The following NUBPL variants were observed in gnomAD, a reference collection of about 807,000 sequenced individuals.
NUBPL encodes NUBP iron-sulfur cluster assembly factor, mitochondrial.
Under a neutral mutation model 45.7 loss-of-function variants are expected in NUBPL, and 31 were observed. That is an observed-to-expected ratio of 0.68 (90% confidence interval 0.51 to 0.92). The LOEUF (loss-of-function observed/expected upper bound fraction) is 0.92, where lower values mean the gene tolerates loss of function less well. NUBPL is among the 40% of genes least tolerant of loss of function. The probability of loss-of-function intolerance (pLI) is 0.00; values close to 1 mark genes in which losing one functional copy is unlikely to be tolerated. For missense variants in NUBPL, 401 were observed against 398.7 expected, an observed-to-expected ratio of 1.01 and a Z score of -0.05; for synonymous variants, 144 against 140.9, an observed-to-expected ratio of 1.02 and a Z score of -0.15.
chr14:31,672,946 C>A (rs986312330), intron 4 of NUBPL, among the ~76,000 whole-genome samples: 1 of 152,018 alleles, frequency 6.6e-6, no homozygotes, highest in Non-Finnish European at 1.5e-5. Flanking sequence ...ATTCTTTGAT[C>A]CTGGAAGGAT....
rs2036893888 is a variant in NUBPL, at chr14:31,683,831, AT to A, written c.513+10262del. Among the ~76,000 whole-genome samples, 4 of 151,438 alleles carry A rather than the reference AT, an allele frequency of 2.6e-5. No homozygotes were observed. The South Asian group carries it at 8.4e-4, about 32-fold the overall frequency. The stretch of plus-strand genomic sequence containing the variant: ...GTTTTTATTTATTGGAAATGTCTTT[AT>A]TTTTCCCTCCTTATTTTCACTGCAT... On this transcript the variant is annotated intron_variant, in intron 6 of 10. Transcript: ENST00000281081.
intron 3 of NUBPL, among the ~76,000 whole-genome samples, chr14:31,583,497 C>T (rs17098014): frequency 0.31 from 46,422 of 151,992 alleles, 7,730 homozygotes; most frequent in South Asian, 0.41. Flanking sequence ...GAAGTCCTGT[C>T]CTCAGGAAAG....
chr14:31,610,623 A>AG (rs1555317253), intron 4 of NUBPL, among the ~76,000 whole-genome samples: 2 of 150,494 alleles, frequency 1.3e-5, no homozygotes, highest in Non-Finnish European at 1.5e-5. Flanking sequence ...AAAAAAAAAA[A>AG]AAAAAAAGAA....
Position 31,736,752 on chromosome 14 carries a change from T to G in NUBPL, c.514-51028T>G, listed in dbSNP as rs577664867. On this transcript the variant is annotated intron_variant, in intron 6 of 10. Transcript: ENST00000281081. Reference sequence around the variant, plus strand: ...ACTGCTGGATTTTAGCTTAGGGATATGTTTAGTTTTAGTTGGTTCTGTCAA... The same window carrying G: ...ACTGCTGGATTTTAGCTTAGGGATAGGTTTAGTTTTAGTTGGTTCTGTCAA... Among the ~76,000 whole-genome samples the G allele has an allele frequency of 4.6e-5, 7 of 152,314 alleles. No homozygotes were observed. In the South Asian group the frequency reaches 1.5e-3, roughly 32 times the overall value.
At chr14:31,588,826 G>A (rs2034065720) in intron 3 of NUBPL, among the ~76,000 whole-genome samples, 1 of 148,654 alleles carries the variant, frequency 6.7e-6, no homozygotes, top group African/African-American at 2.5e-5. Context: ...GGTTGAGGCA[G>A]AAGAATTGCT....
At chr14:31,780,181 GTC>G (rs2039167211) in intron 6 of NUBPL, among the ~76,000 whole-genome samples, 1 of 151,640 alleles carries the variant, frequency 6.6e-6, no homozygotes, top group African/African-American at 2.4e-5. Flanking sequence ...TCCTGCCTCA[GTC>G]TCCAGAGTAA....
At chr14:31,621,211 G>C (rs1010243319) in intron 4 of NUBPL, among the ~76,000 whole-genome samples, 2 of 152,188 alleles carry the variant, frequency 1.3e-5, no homozygotes, top group African/African-American at 4.8e-5. Context: ...ATCTTAGCTT[G>C]CTGGGCTCCG....
chr14:31,834,231 AG>A (rs1241764834), intron 8 of NUBPL, among the ~76,000 whole-genome samples: 1 of 120,322 alleles, frequency 8.3e-6, no homozygotes, highest in East Asian at 2.6e-4. Flanking sequence ...GCCAGGCTGG[AG>A]TGCAGTGGTG....
intron 7 of NUBPL, among the ~76,000 whole-genome samples, chr14:31,816,522 T>C (rs891735153): frequency 6.6e-6 from 1 of 152,178 alleles, no homozygotes; most frequent in Non-Finnish European, 1.5e-5. Flanking sequence ...TTCTTGTCTC[T>C]ATCTCCTTCA....
chr14:31,846,374 C>T, intron 8 of NUBPL, 97 bp from the exon 9 acceptor site: 1 of 927,702 alleles, frequency 1.1e-6, no homozygotes, highest in South Asian at 1.4e-5. Flanking sequence ...TTGATGAGTG[C>T]CACTAGAACT....
chr14:31,613,483 G>A (rs745909517), intron 4 of NUBPL, among the ~76,000 whole-genome samples: 8 of 151,020 alleles, frequency 5.3e-5, no homozygotes, highest in Admixed American at 2.0e-4. Flanking sequence ...GTGGAGTCTC[G>A]CTCCTTAGCC....
At chr14:31,625,938 G>A (rs956299350) in intron 4 of NUBPL, among the ~76,000 whole-genome samples, 1 of 152,090 alleles carries the variant, frequency 6.6e-6, no homozygotes, top group Non-Finnish European at 1.5e-5. Flanking sequence ...GATAAGGCTT[G>A]CAATCAAAGA....
chr14:31,698,113 A>G (rs1281306854), intron 6 of NUBPL, among the ~76,000 whole-genome samples: 1 of 152,128 alleles, frequency 6.6e-6, no homozygotes, highest in African/African-American at 2.4e-5. Context: ...TCAAATTTTA[A>G]TATCTCTGAA....
intron 3 of NUBPL, among the ~76,000 whole-genome samples, chr14:31,583,068 C>T (rs1038612055): frequency 2.6e-5 from 4 of 152,040 alleles, no homozygotes; most frequent in Admixed American, 2.0e-4. Flanking sequence ...TCATATTTGC[C>T]GTGGAAATGA....
At chr14:31,738,876 G>C (rs1022103965) in intron 6 of NUBPL, among the ~76,000 whole-genome samples, 1 of 152,030 alleles carries the variant, frequency 6.6e-6, no homozygotes, top group African/African-American at 2.4e-5. Context: ...GGAGAAAATA[G>C]GGGAAAAGTC....
chr14:31,810,978 G>A (rs982725626), intron 7 of NUBPL, among the ~76,000 whole-genome samples: 20 of 152,146 alleles, frequency 1.3e-4, no homozygotes, highest in South Asian at 2.1e-4. Context: ...GGTTTCTGGC[G>A]AGAGATCCAC....
intron 3 of NUBPL, among the ~76,000 whole-genome samples, chr14:31,593,471 G>A (rs953546101): frequency 7.7e-6 from 1 of 130,198 alleles, no homozygotes; most frequent in Non-Finnish European, 1.6e-5. Flanking sequence ...CTGAGATTGC[G>A]CCACTGCACT....
chr14:31,719,425 TATAA>T (rs971773093), intron 6 of NUBPL, among the ~76,000 whole-genome samples: 3 of 152,114 alleles, frequency 2.0e-5, no homozygotes, highest in African/African-American at 4.8e-5. Context: ...GTTAAGACAT[TATAA>T]ATAAATTAAA....
At chr14:31,854,633 A>G (rs528947712) in intron 10 of NUBPL, among the ~76,000 whole-genome samples, 14 of 152,310 alleles carry the variant, frequency 9.2e-5, no homozygotes, top group African/African-American at 3.4e-4. Context: ...TATAATTATT[A>G]TAACCAGTTT....
Sources: allele counts gnomAD v4.1 joint callset (sites outside exome capture counted in the v4.1 genomes callset), GRCh38; gene constraint gnomAD v4.1.1; transcripts MANE v1.5; gene names NCBI Gene and HGNC (gene_info 2026-07-23, HGNC 2026-07-21).